Variants in TENM3 observed in about 807,000 individuals in gnomAD.
TENM3 encodes the protein teneurin-3.
In TENM3, 63 loss-of-function variants were observed where a neutral mutation model predicts 255.1. That is an observed-to-expected ratio of 0.25 (90% CI 0.20 to 0.30). The LOEUF is 0.30. Ranked by LOEUF, TENM3 falls within the 10% of genes least tolerant of loss-of-function variation. TENM3 has a pLI of 1.00. For synonymous variants in TENM3, 1,306 were observed against 1,322.3 expected (o/e 0.99, Z 0.27); for missense variants, 2,929 against 3,461.1 (o/e 0.85, Z 3.86).
chr4:181,956,494 C>T, the TENM3 span, among the ~76,000 whole-genome samples: 1 of 151,772 alleles, frequency 6.6e-6, no homozygotes, highest in African/African-American at 2.4e-5. Flanking sequence ...CTGCTATATT[C>T]CAAGTAGCTA....
intron 1 of TENM3, among the ~76,000 whole-genome samples, chr4:182,173,540 T>C (rs1752243595): frequency 6.6e-6 from 1 of 152,162 alleles, no homozygotes; most frequent in South Asian, 2.1e-4. Flanking sequence ...GTTATGGAGT[T>C]TGGAAAAGTA....
At chr4:182,330,956 C>G (rs960578119) in intron 2 of TENM3, among the ~76,000 whole-genome samples, 14 of 152,166 alleles carry the variant, frequency 9.2e-5, no homozygotes, top group Non-Finnish European at 2.1e-4. Context: ...AGTGGGGAAA[C>G]AGTTATGAAA....
the TENM3 span, among the ~76,000 whole-genome samples, chr4:181,844,991 T>C: frequency 6.6e-6 from 1 of 152,256 alleles, no homozygotes; most frequent in Admixed American, 6.5e-5. Flanking sequence ...ATTAGTGTTA[T>C]TTAAGCTAAT....
the TENM3 span, among the ~76,000 whole-genome samples, chr4:181,587,938 G>A: frequency 1.3e-5 from 2 of 152,144 alleles, no homozygotes; most frequent in African/African-American, 2.4e-5. Context: ...ACAGGGGTAA[G>A]GAGCAGTTCT....
the TENM3 span, among the ~76,000 whole-genome samples, chr4:181,978,689 A>G: frequency 6.6e-6 from 1 of 151,444 alleles, no homozygotes; most frequent in African/African-American, 2.4e-5. Flanking sequence ...AAACCAGAGC[A>G]AAAGAGAATT....
chr4:181,719,050 C>G, the TENM3 span, among the ~76,000 whole-genome samples: 1 of 150,954 alleles, frequency 6.6e-6, no homozygotes, highest in Non-Finnish European at 1.5e-5. Flanking sequence ...ACTAAAAATA[C>G]AAAAAATTAG....
chr4:181,571,910 A>G, the TENM3 span, among the ~76,000 whole-genome samples: 54 of 152,206 alleles, frequency 3.5e-4, no homozygotes, highest in African/African-American at 1.2e-3. Flanking sequence ...TTCCTTTTAG[A>G]GGAAAAAAGA....
At chr4:181,812,199 T>C in the TENM3 span, among the ~76,000 whole-genome samples, 1 of 152,212 alleles carries the variant, frequency 6.6e-6, no homozygotes, top group Non-Finnish European at 1.5e-5. Flanking sequence ...CTTTGAGATA[T>C]CATAATAACT....
chr4:182,505,464 TTA>T (rs1736717065), intron 3 of TENM3, among the ~76,000 whole-genome samples: 1 of 152,058 alleles, frequency 6.6e-6, no homozygotes, highest in African/African-American at 2.4e-5. Context: ...TCCTTTTATT[TTA>T]TTTTATTTTA....
At chr4:182,016,651 A>G in the TENM3 span, among the ~76,000 whole-genome samples, 3 of 152,212 alleles carry the variant, frequency 2.0e-5, no homozygotes, top group Non-Finnish European at 1.5e-5. Flanking sequence ...TTGCCAGAGC[A>G]TTGGAAATAG....
At chr4:182,688,523 C>G (rs1237151449) in intron 12 of TENM3, among the ~76,000 whole-genome samples, 172 bp downstream of exon 12, 1 of 152,108 alleles carries the variant, frequency 6.6e-6, no homozygotes, top group East Asian at 1.9e-4. Context: ...CAATTCAGTT[C>G]TTTTTAGAAC....
the TENM3 span, among the ~76,000 whole-genome samples, chr4:182,087,700 G>A: frequency 9.9e-5 from 15 of 152,050 alleles, 1 homozygote; most frequent in African/African-American, 3.4e-4. Context: ...TCCATTCGGG[G>A]ACACTTTTAC....
At chr4:181,718,003 T>C in the TENM3 span, among the ~76,000 whole-genome samples, 4 of 152,214 alleles carry the variant, frequency 2.6e-5, 1 homozygote, top group South Asian at 6.2e-4. Context: ...TACTGCAAGA[T>C]ACATCAGATA....
intron 2 of TENM3, among the ~76,000 whole-genome samples, chr4:182,325,947 C>T (rs1023555496): frequency 1.3e-5 from 2 of 152,120 alleles, no homozygotes; most frequent in East Asian, 3.9e-4. Flanking sequence ...TCCTAGGCAG[C>T]CTTGATCCAG....
chr4:182,746,468 T>G (rs1417588264), intron 19 of TENM3, among the ~76,000 whole-genome samples: 1 of 152,120 alleles, frequency 6.6e-6, no homozygotes, highest in African/African-American at 2.4e-5. Flanking sequence ...CCCACCTGAA[T>G]GGAACAGGGG....
At chr4:181,619,285 C>A in the TENM3 span, among the ~76,000 whole-genome samples, 1 of 152,046 alleles carries the variant, frequency 6.6e-6, no homozygotes, top group Non-Finnish European at 1.5e-5. Flanking sequence ...TCATCAATAG[C>A]CCTTTATTAA....
chr4:182,085,632 C>G, the TENM3 span, among the ~76,000 whole-genome samples: 1 of 152,094 alleles, frequency 6.6e-6, no homozygotes, highest in Admixed American at 6.6e-5. Context: ...GTCTTGGTAT[C>G]TGTGCAATGC....
chr4:182,318,870 C>T (rs1018050661), intron 1 of TENM3, among the ~76,000 whole-genome samples: 1 of 152,098 alleles, frequency 6.6e-6, no homozygotes, highest in Non-Finnish European at 1.5e-5. Context: ...TGGGCTCAAG[C>T]GATCCCCCTG....
At chr4:181,764,705 T>G in the TENM3 span, among the ~76,000 whole-genome samples, 59 of 152,306 alleles carry the variant, frequency 3.9e-4, 1 homozygote, top group East Asian at 0.011. Flanking sequence ...TTGCTTTTTT[T>G]GTTTGTGATG....
Sources: allele counts gnomAD v4.1 joint callset (sites outside exome capture counted in the v4.1 genomes callset), GRCh38; gene constraint gnomAD v4.1.1; transcripts MANE v1.5; gene names NCBI Gene and HGNC (gene_info 2026-07-23, HGNC 2026-07-21).